Variants in OSBPL8 observed in about 807,000 individuals in gnomAD.
The protein encoded by OSBPL8 is oxysterol binding protein like 8, also known as oxysterol-binding protein-related protein 8.
In OSBPL8, 59 loss-of-function variants were observed where a neutral mutation model predicts 125.5. The observed-to-expected ratio is 0.47, with a 90% confidence interval of 0.38 to 0.58. The LOEUF is 0.58. Ranked by LOEUF, OSBPL8 falls within the 20% of genes least tolerant of loss-of-function variation. The pLI is 0.00. For missense variants in OSBPL8, 758 were observed against 1,047.8 expected (o/e 0.72, Z 3.82); for synonymous variants, 330 against 338.9 (o/e 0.97, Z 0.29).
intron 20 of OSBPL8, 43 bp from the exon 21 acceptor site, chr12:76,369,344 A>G (rs765755135): frequency 3.2e-6 from 5 of 1,562,728 alleles, no homozygotes; most frequent in Non-Finnish European, 4.3e-6. Context: ...TCAATGACTA[A>G]ACAAAGAACT....
intron 4 of OSBPL8, among the ~76,000 whole-genome samples, chr12:76,428,684 C>T (rs17197517): frequency 0.51 from 77,733 of 151,814 alleles, 21,651 homozygotes; most frequent in African/African-American, 0.72. Context: ...GAAAGTACTA[C>T]GTCCAGACAC....
chr12:76,549,115 CA>C (rs1190241478), intron 1 of OSBPL8, among the ~76,000 whole-genome samples: 3 of 151,630 alleles, frequency 2.0e-5, no homozygotes, highest in Admixed American at 1.3e-4. Context: ...AAAAAACCCA[CA>C]AAATATAAAA....
chr12:76,532,552 T>C (rs1950373981), intron 1 of OSBPL8, among the ~76,000 whole-genome samples: 1 of 152,312 alleles, frequency 6.6e-6, no homozygotes, highest in Middle Eastern at 3.4e-3. Flanking sequence ...AAATGTTATA[T>C]CCACCTAGAA....
chr12:76,370,263 A>C (rs1436326451), intron 19 of OSBPL8, among the ~76,000 whole-genome samples: 1 of 152,156 alleles, frequency 6.6e-6, no homozygotes, highest in Non-Finnish European at 1.5e-5. Context: ...ATTATCAGAG[A>C]ATTTTTATAA....
intron 1 of OSBPL8, among the ~76,000 whole-genome samples, chr12:76,502,114 C>T (rs1448705308): frequency 1.3e-5 from 2 of 152,182 alleles, no homozygotes; most frequent in African/African-American, 4.8e-5. Context: ...ATTGTAGCAT[C>T]AGCTATGGAG....
intron 16 of OSBPL8, among the ~76,000 whole-genome samples, chr12:76,375,724 C>T (rs1952793199): frequency 6.8e-6 from 1 of 146,104 alleles, no homozygotes; most frequent in Non-Finnish European, 1.5e-5. Context: ...ACTCTTGGTT[C>T]AGCTCCCACA....
chr12:76,395,707 G>A (rs977446438), intron 8 of OSBPL8, among the ~76,000 whole-genome samples: 1 of 152,036 alleles, frequency 6.6e-6, no homozygotes, highest in African/African-American at 2.4e-5. Context: ...GGAAGAAACT[G>A]TATCCTCCTT....
At chr12:76,368,410 T>C (rs1036533497) in intron 21 of OSBPL8, among the ~76,000 whole-genome samples, 1 of 152,140 alleles carries the variant, frequency 6.6e-6, no homozygotes. Context: ...TTTGTTGAGC[T>C]TCTTGAATTT....
At position 76,514,247 on chromosome 12, in the gene OSBPL8, C is replaced by T. The variant is rs572647826; in HGVS notation, c.-67-26629G>A. ...GCAACCTCCGCCTCCCGGGTTCAAG[C>T]GATTCTCCTGCCTTAGCCTCCCAAG... On this transcript the variant is annotated intron_variant, in intron 1 of 23. Coordinates refer to ENST00000261183, the MANE Select transcript of OSBPL8 (RefSeq NM_020841.5). 1.2e-4 allele frequency among the ~76,000 whole-genome samples: 19 copies of T among 152,092 alleles called. No homozygotes were observed. In the East Asian group the frequency reaches 1.9e-3, roughly 16 times the overall value.
chr12:76,358,849 T>C, intron 21 of OSBPL8, 38 bp from the exon 22 acceptor site: 6 of 1,521,690 alleles, frequency 3.9e-6, no homozygotes, highest in Non-Finnish European at 5.5e-6. Context: ...ATTTGCACTG[T>C]ATTTTGGACT....
At chr12:76,493,843 T>C (rs1434142524) in intron 1 of OSBPL8, among the ~76,000 whole-genome samples, 1 of 152,198 alleles carries the variant, frequency 6.6e-6, no homozygotes, top group African/African-American at 2.4e-5. Flanking sequence ...GTTAGCTCTT[T>C]TGATGATGTC....
intron 1 of OSBPL8, among the ~76,000 whole-genome samples, chr12:76,516,529 G>A (rs1421942585): frequency 6.6e-6 from 1 of 152,148 alleles, no homozygotes; most frequent in Non-Finnish European, 1.5e-5. Flanking sequence ...TAGAAGGGTG[G>A]AGGAAAACTT....
At chr12:76,383,392 TAAAA>T (rs35666950) in intron 15 of OSBPL8, among the ~76,000 whole-genome samples, 1 of 144,324 alleles carries the variant, frequency 6.9e-6, no homozygotes. Flanking sequence ...AAAACAAGGT[TAAAA>T]AAAAAAAAAC....
At chr12:76,438,700 T>C (rs1871801760) in intron 4 of OSBPL8, among the ~76,000 whole-genome samples, 1 of 152,202 alleles carries the variant, frequency 6.6e-6, no homozygotes, top group Non-Finnish European at 1.5e-5. Flanking sequence ...GATGTTAAAA[T>C]TTTCAAATAT....
At chr12:76,492,368 G>A (rs1027868748) in intron 1 of OSBPL8, among the ~76,000 whole-genome samples, 1 of 152,174 alleles carries the variant, frequency 6.6e-6, no homozygotes, top group Non-Finnish European at 1.5e-5. Flanking sequence ...AGCAGAAAAT[G>A]TTTCCCCACA....
intron 17 of OSBPL8, 121 bp from the exon 18 acceptor site, chr12:76,373,554 G>A (rs1046495952): frequency 1.9e-6 from 1 of 514,172 alleles, no homozygotes; most frequent in African/African-American, 2.0e-5. Context: ...GAATGCACAA[G>A]CAGTAAAAAA....
Position 76,381,617 on chromosome 12 carries a change from T to A in OSBPL8, c.1630+2637A>T, listed in dbSNP as rs539975400. On this transcript the variant is annotated intron_variant, in intron 15 of 23. Transcript: ENST00000261183. The stretch of plus-strand genomic sequence containing the variant: ...TTATTTCATTATGAAATGTTCTTTA[T>A]CTCTATTAACACTTTTTGTTTTGAA... 3.2e-4 allele frequency among the ~76,000 whole-genome samples: 48 copies of A among 152,320 alleles called. 1 individual carries two copies. In the South Asian group the frequency reaches 9.1e-3, roughly 29 times the overall value.
At chr12:76,356,775 A>T in intron 22 of OSBPL8, 47 bp from the exon 23 acceptor site, 3 of 1,316,962 alleles carry the variant, frequency 2.3e-6, no homozygotes, top group Non-Finnish European at 3.2e-6. Flanking sequence ...AATAATCTAC[A>T]GTTCAATTTA....
chr12:76,524,235 A>C (rs1950102972), intron 1 of OSBPL8, among the ~76,000 whole-genome samples: 1 of 152,176 alleles, frequency 6.6e-6, no homozygotes. Context: ...TAAATTAAAA[A>C]CTGTCTATGA....
Sources: gnomAD v4.1 joint callset for allele counts (sites outside exome capture counted in the v4.1 genomes callset) on GRCh38, gnomAD v4.1.1 for gene constraint, MANE v1.5 for transcripts, NCBI Gene and HGNC (gene_info 2026-07-23, HGNC 2026-07-21) for gene names.